Variants in STAC observed in about 807,000 individuals in gnomAD.
The protein encoded by STAC is SH3 and cysteine rich domain.
Under a neutral mutation model 48.8 loss-of-function variants are expected in STAC, and 43 were observed. The ratio of observed to expected loss-of-function variants is 0.88; its 90% CI spans 0.69 to 1.14. The LOEUF is 1.14. STAC is among the 50% of genes most tolerant of loss of function. The pLI, the probability that STAC is intolerant of heterozygous loss-of-function variation, is 0.00. For synonymous variants in STAC, 193 were observed against 179.5 expected, an observed-to-expected ratio of 1.07 and a Z score of -0.60; for missense variants, 497 against 504.0, an observed-to-expected ratio of 0.99 and a Z score of 0.13.
At chr3:36,414,892 G>A (rs1700283127) in intron 1 of STAC, among the ~76,000 whole-genome samples, 1 of 152,174 alleles carries the variant, frequency 6.6e-6, no homozygotes, top group African/African-American at 2.4e-5. Flanking sequence ...TTAACACTCA[G>A]GACCCTCAGC....
At chr3:36,450,736 G>C (rs1398507326) in intron 2 of STAC, among the ~76,000 whole-genome samples, 1 of 152,130 alleles carries the variant, frequency 6.6e-6, no homozygotes, top group African/African-American at 2.4e-5. Flanking sequence ...TGTTGGCCAG[G>C]CTGGTTTCAA....
intron 1 of STAC, among the ~76,000 whole-genome samples, chr3:36,423,962 T>C (rs1362601774): frequency 6.6e-6 from 1 of 152,138 alleles, no homozygotes; most frequent in African/African-American, 2.4e-5. Flanking sequence ...AATTTTTTTC[T>C]CACAAGACTG....
At chr3:36,527,526 A>G (rs901466586) in intron 8 of STAC, among the ~76,000 whole-genome samples, 4 of 152,192 alleles carry the variant, frequency 2.6e-5, no homozygotes, top group Non-Finnish European at 5.9e-5. Context: ...TGATCAGGAA[A>G]ATAAAATTGA....
chr3:36,510,386 A>G (rs1698506464), intron 8 of STAC, among the ~76,000 whole-genome samples: 1 of 152,158 alleles, frequency 6.6e-6, no homozygotes, highest in South Asian at 2.1e-4. Context: ...CATTGTGGAA[A>G]ACAGTGTGGT....
At chr3:36,386,110 G>A (rs993180471) in intron 1 of STAC, among the ~76,000 whole-genome samples, 5 of 152,008 alleles carry the variant, frequency 3.3e-5, no homozygotes, top group Non-Finnish European at 5.9e-5. Context: ...CAATGTATAA[G>A]ACTTCAATCC....
chr3:36,490,879 T>C (rs1207023694), intron 5 of STAC, among the ~76,000 whole-genome samples: 1 of 152,236 alleles, frequency 6.6e-6, no homozygotes, highest in East Asian at 1.9e-4. Flanking sequence ...CATAGTTTTC[T>C]GAATGTCAAA....
chr3:36,517,969 C>A (rs1698715643), intron 8 of STAC, among the ~76,000 whole-genome samples: 1 of 152,076 alleles, frequency 6.6e-6, no homozygotes, highest in African/African-American at 2.4e-5. Flanking sequence ...AGCTTGATAA[C>A]CCACACTTAG....
intron 10 of STAC, among the ~76,000 whole-genome samples, chr3:36,537,664 A>C (rs1037591531): frequency 6.6e-6 from 1 of 152,170 alleles, no homozygotes; most frequent in African/African-American, 2.4e-5. Flanking sequence ...ACATTTACCT[A>C]TCTAACAAAC....
At chr3:36,545,263 T>A (rs1404709933) in intron 10 of STAC, among the ~76,000 whole-genome samples, 2 of 152,202 alleles carry the variant, frequency 1.3e-5, no homozygotes, top group Non-Finnish European at 2.9e-5. Flanking sequence ...AGCTTCAAAG[T>A]GAGACAATTC....
At chr3:36,535,014 A>G (rs1699165794) in intron 10 of STAC, among the ~76,000 whole-genome samples, 1 of 152,140 alleles carries the variant, frequency 6.6e-6, no homozygotes, top group African/African-American at 2.4e-5. Flanking sequence ...AAAATACCAT[A>G]AAACATTTCT....
chr3:36,546,378 G>C lies in STAC; in HGVS notation c.*89G>C. On this transcript the variant is annotated 3_prime_UTR_variant, in exon 11 of 11. Coordinates refer to ENST00000273183, the MANE Select transcript of STAC (RefSeq NM_003149.3). Reference sequence around the variant, plus strand: ...ACTGCGTCAACCCAAAGGAGCTGCCGCACTGACCCAGCCCCCCAGGAAACA... The same window carrying C: ...ACTGCGTCAACCCAAAGGAGCTGCCCCACTGACCCAGCCCCCCAGGAAACA... 2 of 1,115,940 alleles carry C rather than the reference G, an allele frequency of 1.8e-6. No individual in the cohort carries two copies. The highest frequency in any genetic ancestry group is 2.7e-6 in the Non-Finnish European group (2 of 735,056). 69.1% of individuals were successfully genotyped at this position (1,115,940 alleles called of 1,614,324 possible). A position where few individuals can be genotyped will look rare whatever the true frequency, so the allele number is the denominator to read the frequency against.
intron 8 of STAC, among the ~76,000 whole-genome samples, chr3:36,506,721 T>G (rs1698411828): frequency 6.6e-6 from 1 of 152,182 alleles, no homozygotes; most frequent in Admixed American, 6.5e-5. Context: ...ATGATTTGGC[T>G]CTCTGTTTAT....
intron 2 of STAC, among the ~76,000 whole-genome samples, chr3:36,449,000 T>C (rs1447004009): frequency 6.6e-6 from 1 of 151,564 alleles, no homozygotes; most frequent in Non-Finnish European, 1.5e-5. Flanking sequence ...ACACCTGTAG[T>C]CTCAGCTATT....
intron 2 of STAC, among the ~76,000 whole-genome samples, chr3:36,445,770 A>G (rs1696492716): frequency 6.6e-6 from 1 of 152,204 alleles, no homozygotes; most frequent in South Asian, 2.1e-4. Context: ...CCCAGAAAAG[A>G]TATTAAAGCT....
chr3:36,465,890 T>TC (rs747677626), intron 2 of STAC, among the ~76,000 whole-genome samples: 1 of 151,984 alleles, frequency 6.6e-6, no homozygotes, highest in South Asian at 2.1e-4. Context: ...GGATCTACCT[T>TC]CCCCCGCCCA....
Position 36,509,832 on chromosome 3 carries a change from C to T in STAC, c.920+3998C>T, listed in dbSNP as rs376191466. 2.6e-4 allele frequency among the ~76,000 whole-genome samples: 40 copies of T among 152,000 alleles called. No individual in the cohort carries two copies. The South Asian group carries it at 3.7e-3, about 14-fold the overall frequency. Reference sequence around the variant, plus strand: ...ACTCAAGATGGATTAAAGAGTTAAACGTAAGACCTAAAACCATAAAAACCC... The same window carrying T: ...ACTCAAGATGGATTAAAGAGTTAAATGTAAGACCTAAAACCATAAAAACCC... On this transcript the variant is annotated intron_variant, in intron 8 of 10. Coordinates refer to ENST00000273183, the MANE Select transcript of STAC (RefSeq NM_003149.3).
At chr3:36,442,738 CTACACACACACACACACACACACACACA>C (rs1696382423) in intron 1 of STAC, among the ~76,000 whole-genome samples, 1 of 112,714 alleles carries the variant, frequency 8.9e-6, no homozygotes, top group Non-Finnish European at 1.7e-5. Context: ...GTCCTATGTC[CTACACACACACACACACACACACACACA>C]CACACACACA....
At position 36,512,866 on chromosome 3, in the gene STAC, T is replaced by C. The variant is rs927360721; in HGVS notation, c.920+7032T>C. ...GATTTAGAATGTGTAAGGCAATCCT[T>C]TGGGAATGCTTTGGGATTCAGCATA... On this transcript the variant is annotated intron_variant, in intron 8 of 10. Coordinates refer to ENST00000273183, the MANE Select transcript of STAC (RefSeq NM_003149.3). Among the ~76,000 whole-genome samples the C allele has an allele frequency of 5.3e-5, 8 of 152,328 alleles. No homozygotes were observed. In the South Asian group the frequency reaches 1.7e-3, roughly 32 times the overall value.
rs1553631483 is a variant in STAC at position 36,398,363 on chromosome 3, G to GAAAGAAAGA, written c.111+17616_111+17617insGAAAAGAAA. The stretch of plus-strand genomic sequence containing the variant: ...AGAAAGAAAGAAAGAAAGAAAGAAA[G>GAAAGAAAGA]AAAGAAAAGAAAGAGAGAAAGAAAG... On this transcript the variant is annotated intron_variant, in intron 1 of 10. Coordinates refer to ENST00000273183, the MANE Select transcript of STAC (RefSeq NM_003149.3). 2.2e-3 allele frequency among the ~76,000 whole-genome samples: 272 copies of GAAAGAAAGA among 124,962 alleles called. 7 individuals are homozygous for GAAAGAAAGA. The highest frequency in any genetic ancestry group is 8.3e-3 in the Middle Eastern group (2 of 240). 82.0% of individuals were successfully genotyped at this position (124,962 alleles called of 152,430 possible).
Sources: allele counts gnomAD v4.1 joint callset (sites outside exome capture counted in the v4.1 genomes callset), GRCh38; gene constraint gnomAD v4.1.1; transcripts MANE v1.5; gene names NCBI Gene and HGNC (gene_info 2026-07-23, HGNC 2026-07-21).